Variants in CCDC171 observed in about 807,000 individuals in gnomAD.
The protein encoded by CCDC171 is coiled-coil domain-containing protein 171.
A neutral mutation model predicts 168.2 loss-of-function variants in CCDC171; 177 were observed. The observed-to-expected ratio is 1.05, with a 90% confidence interval of 0.93 to 1.19. The LOEUF (loss-of-function observed/expected upper bound fraction) is 1.19, where lower values mean the gene tolerates loss of function less well. Among genes scored for constraint, CCDC171 ranks in the 50% most tolerant of loss-of-function variants. The pLI is 0.00. For missense variants in CCDC171, 1,991 were observed against 1,539.0 expected (o/e 1.29, Z -4.91); for synonymous variants, 687 against 540.8 (o/e 1.27, Z -3.75).
At chr9:15,560,322 T>A (rs2039183590) in intron 1 of CCDC171, among the ~76,000 whole-genome samples, 1 of 152,158 alleles carries the variant, frequency 6.6e-6, no homozygotes, top group African/African-American at 2.4e-5. Context: ...CTGAAGGGTG[T>A]TTTCCACTGG....
chr9:15,616,792 G>A (rs1285492343), intron 6 of CCDC171, among the ~76,000 whole-genome samples: 7 of 152,188 alleles, frequency 4.6e-5, no homozygotes, highest in African/African-American at 1.7e-4. Context: ...ATATATGAAA[G>A]TACTCTTATG....
chr9:15,694,494 C>G lies in CCDC171; in HGVS notation c.1216-741C>G, dbSNP rs545675453. On this transcript the variant is annotated intron_variant, in intron 10 of 25. Coordinates refer to ENST00000380701, the MANE Select transcript of CCDC171 (RefSeq NM_173550.4). ...ATACCTCCTGCCAAAAAGAAGCAAGCAAGTAAACAAACAAAAATAGCCAAA... is the reference window on the plus strand; with the variant it reads ...ATACCTCCTGCCAAAAAGAAGCAAGGAAGTAAACAAACAAAAATAGCCAAA... Among the ~76,000 whole-genome samples, 11 of 152,268 alleles carry G rather than the reference C, an allele frequency of 7.2e-5. No homozygotes were observed. The South Asian group carries it at 2.3e-3, about 32-fold the overall frequency.
intron 25 of CCDC171, among the ~76,000 whole-genome samples, chr9:15,923,375 A>G (rs549717922): frequency 6.6e-6 from 1 of 151,346 alleles, no homozygotes; most frequent in Non-Finnish European, 1.5e-5. Flanking sequence ...TCTGTAGGAC[A>G]TTATGTTAAA....
At chr9:15,783,156 G>A (rs559876889) in intron 20 of CCDC171, among the ~76,000 whole-genome samples, 1 of 152,262 alleles carries the variant, frequency 6.6e-6, no homozygotes, top group South Asian at 2.1e-4. Context: ...ATAAAACTGA[G>A]TGCTTATGTA....
At chr9:15,849,559 ATAT>A (rs1244322174) in intron 23 of CCDC171, among the ~76,000 whole-genome samples, 2 of 151,706 alleles carry the variant, frequency 1.3e-5, no homozygotes, top group Non-Finnish European at 3.0e-5. Context: ...AAAACATAAT[ATAT>A]TTATTGACCA....
At chr9:15,805,712 CTG>C (rs2059040917) in intron 21 of CCDC171, among the ~76,000 whole-genome samples, 1 of 152,028 alleles carries the variant, frequency 6.6e-6, no homozygotes, top group African/African-American at 2.4e-5. Flanking sequence ...GATGAGAAGA[CTG>C]TATATTCTGT....
chr9:15,930,794 A>G (rs1358647688), intron 25 of CCDC171, among the ~76,000 whole-genome samples: 1 of 151,790 alleles, frequency 6.6e-6, no homozygotes, highest in Non-Finnish European at 1.5e-5. Flanking sequence ...TATAAGAGCT[A>G]AAACTATAAA....
chr9:15,674,032 T>C (rs763183585), intron 9 of CCDC171, among the ~76,000 whole-genome samples: 37 of 152,334 alleles, frequency 2.4e-4, no homozygotes, highest in Non-Finnish European at 4.4e-4. Context: ...TCAGAACCTA[T>C]TATTGGTCTA....
chr9:15,809,624 T>TTCCTGTCCGGAGTTGTTCATTCC (rs1369296210), intron 21 of CCDC171, among the ~76,000 whole-genome samples: 3 of 149,312 alleles, frequency 2.0e-5, no homozygotes, highest in East Asian at 1.9e-4. Context: ...TTGTTCATTC[T>TTCCTGTCCGGAGTTGTTCATTCC]TCCTGTCCGG....
chr9:15,680,628 C>T (rs2049975267), intron 10 of CCDC171, among the ~76,000 whole-genome samples: 1 of 152,144 alleles, frequency 6.6e-6, no homozygotes, highest in Admixed American at 6.5e-5. Flanking sequence ...TTCTAGAAAT[C>T]AGTTTGCAGT....
At position 15,972,041 on chromosome 9, in the gene CCDC171, T is replaced by C; in HGVS notation, c.*205T>C. On this transcript the variant is annotated 3_prime_UTR_variant, in exon 26 of 26. Transcript: ENST00000380701. ...TTTTCTCTCCAAGTTTTATTTGTTATCACAGTTGCTCATTTTTATGTAACA... is the reference window on the plus strand; with the variant it reads ...TTTTCTCTCCAAGTTTTATTTGTTACCACAGTTGCTCATTTTTATGTAACA... The C allele has an allele frequency of 1.9e-6, 1 of 514,458 alleles. No homozygotes were observed. The highest frequency in any genetic ancestry group is 3.4e-6 in the Non-Finnish European group (1 of 293,188). 31.9% of individuals were successfully genotyped at this position (514,458 alleles called of 1,614,324 possible).
At chr9:15,943,371 A>C (rs866377373) in intron 25 of CCDC171, among the ~76,000 whole-genome samples, 25 of 152,154 alleles carry the variant, frequency 1.6e-4, no homozygotes, top group Middle Eastern at 3.4e-3. Context: ...ACAGGATGAT[A>C]AGAAATTGTG....
chr9:15,635,822 G>A (rs1032780221), intron 7 of CCDC171, among the ~76,000 whole-genome samples: 2 of 152,128 alleles, frequency 1.3e-5, no homozygotes, highest in Non-Finnish European at 2.9e-5. Flanking sequence ...AGGAATTGCT[G>A]GGTCACATGG....
intron 21 of CCDC171, chr9:15,845,494 G>C (rs2060856051): frequency 6.6e-6 from 1 of 151,966 alleles, no homozygotes; most frequent in Non-Finnish European, 1.5e-5. Flanking sequence ...AGCATTTAGA[G>C]GGAATTAATT....
chr9:15,813,933 G>C (rs904923740), intron 21 of CCDC171, among the ~76,000 whole-genome samples: 1 of 152,114 alleles, frequency 6.6e-6, no homozygotes, highest in Non-Finnish European at 1.5e-5. Context: ...TGCATATAAG[G>C]TGAAATAAGA....
At chr9:15,646,659 A>G (rs1206869594) in intron 7 of CCDC171, among the ~76,000 whole-genome samples, 2 of 152,180 alleles carry the variant, frequency 1.3e-5, no homozygotes, top group Non-Finnish European at 2.9e-5. Flanking sequence ...AAAGAAGGCT[A>G]TTACATAATG....
intron 6 of CCDC171, among the ~76,000 whole-genome samples, chr9:16,029,855 C>T (rs1404274418): frequency 2.6e-5 from 4 of 152,198 alleles, no homozygotes; most frequent in Non-Finnish European, 4.4e-5. Flanking sequence ...TCCTTGCCAA[C>T]TGGGACTAAG....
intron 21 of CCDC171, among the ~76,000 whole-genome samples, chr9:15,809,600 C>T (rs553075450): frequency 3.5e-4 from 53 of 152,024 alleles, no homozygotes; most frequent in African/African-American, 1.2e-3. Context: ...GCTCTTAAGG[C>T]GGCACGTCTG....
chr9:15,597,322 C>T (rs1365382166), intron 6 of CCDC171, among the ~76,000 whole-genome samples: 1 of 152,100 alleles, frequency 6.6e-6, no homozygotes, highest in Non-Finnish European at 1.5e-5. Context: ...TACGTCCCAT[C>T]AATAGCTAAT....
Sources: allele counts gnomAD v4.1 joint callset (sites outside exome capture counted in the v4.1 genomes callset), GRCh38; gene constraint gnomAD v4.1.1; transcripts MANE v1.5; gene names NCBI Gene and HGNC (gene_info 2026-07-23, HGNC 2026-07-21).